EIF1AX: variants seen among roughly 807,000 people sequenced by gnomAD.
EIF1AX encodes eukaryotic translation initiation factor 1A, X-chromosomal.
EIF1AX carries 1 observed loss-of-function variant against 16.1 expected under a neutral mutation model. The ratio of observed to expected loss-of-function variants is 0.06; its 90% CI spans 0.02 to 0.30. The LOEUF (loss-of-function observed/expected upper bound fraction) is 0.30, where lower values mean the gene tolerates loss of function less well. EIF1AX is among the 10% of genes least tolerant of loss of function. EIF1AX has a pLI of 1.00. For missense variants in EIF1AX, 11 were observed against 109.1 expected, an observed-to-expected ratio of 0.10 and a Z score of 4.00; for synonymous variants, 32 against 37.3, an observed-to-expected ratio of 0.86 and a Z score of 0.51.
rs747875394 is a variant in EIF1AX, at chrX:20,137,458, A to T, written c.100+1081T>A. Among the ~76,000 whole-genome samples the T allele has an allele frequency of 1.1e-3, 126 of 110,975 alleles. 1 individual carries two copies. The highest frequency in any genetic ancestry group is 6.7e-3 in the East Asian group (24 of 3,556). On this transcript the variant is annotated intron_variant, in intron 2 of 6. Coordinates refer to ENST00000379607, the MANE Select transcript of EIF1AX (RefSeq NM_001412.4). ...GAGACTCCATCTCAAAAAAAAAATT[A>T]AAAAATCCCACATATATATTTCTTT...
intron 6 of EIF1AX, among the ~76,000 whole-genome samples, chrX:20,129,916 T>C (rs778860138): frequency 8.9e-6 from 1 of 112,559 alleles, no homozygotes; most frequent in South Asian, 3.7e-4. Flanking sequence ...AGACTCTTAA[T>C]TAAACAAGTT....
Position 20,128,164 on chromosome X carries a change from C to A in EIF1AX, c.*142G>T, listed in dbSNP as rs1351107305. 1.1e-5 allele frequency: 6 copies of A among 533,630 alleles called. No homozygotes were observed. The highest frequency in any genetic ancestry group is 5.1e-5 in the African/African-American group (2 of 38,959). 44.0% of individuals were successfully genotyped at this position (533,630 alleles called of 1,213,427 possible). A position where few individuals can be genotyped will look rare whatever the true frequency, so the allele number is the denominator to read the frequency against. On this transcript the variant is annotated 3_prime_UTR_variant, in exon 7 of 7. Coordinates refer to ENST00000379607, the MANE Select transcript of EIF1AX (RefSeq NM_001412.4). Reference sequence around the variant, plus strand: ...AGCATTATTATCAGTTTTAAAAAAACCAAAAATATCTTAGAAACAAATCAG... The same window carrying A: ...AGCATTATTATCAGTTTTAAAAAAAACAAAAATATCTTAGAAACAAATCAG...
chrX:20,132,329 T>C (rs2067003790), intron 4 of EIF1AX, 66 bp from the exon 5 acceptor site: 2 of 705,795 alleles, frequency 2.8e-6, no homozygotes, highest in Non-Finnish European at 4.2e-6. Context: ...ATTTCATAAA[T>C]TCTCATATTG....
At chrX:20,129,920 A>G (rs914008245) in intron 6 of EIF1AX, among the ~76,000 whole-genome samples, 10 of 112,532 alleles carry the variant, frequency 8.9e-5, no homozygotes, top group African/African-American at 3.2e-4. Flanking sequence ...TCTTAATTAA[A>G]CAAGTTATGA....
At chrX:20,130,702 A>C in intron 5 of EIF1AX, 95 bp from the exon 6 acceptor site, 1 of 842,519 alleles carries the variant, frequency 1.2e-6, no homozygotes, top group Non-Finnish European at 1.6e-6. Flanking sequence ...CAATAACTAT[A>C]AAGAATATTT....
intron 1 of EIF1AX, among the ~76,000 whole-genome samples, chrX:20,139,780 C>T (rs2067028361): frequency 1.8e-5 from 2 of 111,791 alleles, no homozygotes; most frequent in Non-Finnish European, 3.8e-5. Context: ...ATGATAAACA[C>T]CAAACTCAGC....
rs1006666743 is a variant in EIF1AX at position 20,136,171 on chromosome X, C to A, written c.101-330G>T. 26 of 288,846 alleles carry A rather than the reference C, an allele frequency of 9.0e-5. No individual in the cohort carries two copies. The Admixed American group carries it at 9.2e-4, about 10-fold the overall frequency. 23.8% of individuals were successfully genotyped at this position (288,846 alleles called of 1,213,427 possible). A position where few individuals can be genotyped will look rare whatever the true frequency, so the allele number is the denominator to read the frequency against. On this transcript the variant is annotated intron_variant, in intron 2 of 6. Coordinates refer to ENST00000379607, the MANE Select transcript of EIF1AX (RefSeq NM_001412.4). ...AGGCTTTCATAGACATACATATGCACCCCCTCACCCCCAATCTCATTCATT... is the reference window on the plus strand; with the variant it reads ...AGGCTTTCATAGACATACATATGCAACCCCTCACCCCCAATCTCATTCATT...
chrX:20,136,273 C>A, intron 2 of EIF1AX: 1 of 366,927 alleles, frequency 2.7e-6, no homozygotes, highest in South Asian at 2.4e-5. Flanking sequence ...AGACATATGC[C>A]CTTATTGTTT....
At chrX:20,135,933 T>A (rs2067015347) in intron 2 of EIF1AX, 92 bp from the exon 3 acceptor site, 3 of 620,808 alleles carry the variant, frequency 4.8e-6, no homozygotes, top group Middle Eastern at 3.2e-4. Flanking sequence ...GAGAATAAAG[T>A]TGCACCAGTT....
At position 20,131,535 on chromosome X, in the gene EIF1AX, G is replaced by A. The variant is rs1211804610; in HGVS notation, c.337+647C>T. 4.5e-5 allele frequency among the ~76,000 whole-genome samples: 5 copies of A among 109,969 alleles called. No homozygotes were observed. The East Asian group carries it at 1.4e-3, about 31-fold the overall frequency. The stretch of plus-strand genomic sequence containing the variant: ...TAATCTCAGCTGCTTTGGAGGCTGA[G>A]AATCGCTTGAACCTGGGAGGCAGAG... On this transcript the variant is annotated intron_variant, in intron 5 of 6. Coordinates refer to ENST00000379607, the MANE Select transcript of EIF1AX (RefSeq NM_001412.4).
At chrX:20,135,662 C>G in intron 3 of EIF1AX, 76 bp downstream of exon 3, 1 of 756,736 alleles carries the variant, frequency 1.3e-6, no homozygotes, top group African/African-American at 2.1e-5. Flanking sequence ...AAATGAAGTC[C>G]ATGGACAGTT....
At chrX:20,137,416 A>G (rs1603415273) in intron 2 of EIF1AX, among the ~76,000 whole-genome samples, 2 of 111,078 alleles carry the variant, frequency 1.8e-5, no homozygotes, top group South Asian at 7.7e-4. Flanking sequence ...ACTGCACTCC[A>G]GCCTGGGCGA....
chrX:20,128,335 T>C (rs946862694), intron 6 of EIF1AX, 24 bp from the exon 7 acceptor site: 6 of 1,182,771 alleles, frequency 5.1e-6, no homozygotes, highest in Non-Finnish European at 4.6e-6. Context: ...GAACATCAGA[T>C]GAAAGGAAAA....
Position 20,126,182 on chromosome X carries a change from T to C in EIF1AX, c.*2124A>G, listed in dbSNP as rs2066984725. On this transcript the variant is annotated 3_prime_UTR_variant, in exon 7 of 7. Coordinates refer to ENST00000379607, the MANE Select transcript of EIF1AX (RefSeq NM_001412.4). ...TAGCACTGTATTATAGGAATCAGAG[T>C]GTATAAGCAAAAAAATGAAAAATAA... 1 of 137,493 alleles carries C rather than the reference T, an allele frequency of 7.3e-6. No homozygotes were observed. Among genetic ancestry groups the C allele is most frequent in the African/African-American group, 3.2e-5 (1 of 31,354 alleles). 11.3% of individuals were successfully genotyped at this position (137,493 alleles called of 1,213,427 possible). A position where few individuals can be genotyped will look rare whatever the true frequency, so the allele number is the denominator to read the frequency against.
Position 20,126,706 on chromosome X carries a change from G to A in EIF1AX, c.*1600C>T, listed in dbSNP as rs1317071871. The A allele has an allele frequency of 3.7e-5, 5 of 135,701 alleles. 1 individual carries two copies. The South Asian group carries it at 1.1e-3, about 30-fold the overall frequency. 11.2% of individuals were successfully genotyped at this position (135,701 alleles called of 1,213,427 possible). A position where few individuals can be genotyped will look rare whatever the true frequency, so the allele number is the denominator to read the frequency against. ...TTCTTCAAGGCTGGTTTCTTATGAG[G>A]ATTAAAAACCAGCCCTTAGTCTCAG... On this transcript the variant is annotated 3_prime_UTR_variant, in exon 7 of 7. Transcript: ENST00000379607.
At chrX:20,133,621 A>G (rs113934690) in intron 4 of EIF1AX, among the ~76,000 whole-genome samples, 3,998 of 111,228 alleles carry the variant, frequency 0.036, 117 homozygotes, top group African/African-American at 0.09. Context: ...CAGACCCACA[A>G]TGAGTCTACA....
intron 4 of EIF1AX, among the ~76,000 whole-genome samples, chrX:20,133,687 C>T (rs968136928): frequency 5.4e-5 from 6 of 111,292 alleles, no homozygotes; most frequent in Admixed American, 4.8e-4. Context: ...TTCCCAAGTG[C>T]TCCTTTAGAT....
rs1157427398 is a variant in EIF1AX, at chrX:20,132,297, T to C, written c.256-34A>G. 3.2e-6 allele frequency: 3 copies of C among 934,003 alleles called. No individual in the cohort carries two copies. In the South Asian group the frequency reaches 6.9e-5, roughly 22 times the overall value. 77.0% of individuals were successfully genotyped at this position (934,003 alleles called of 1,213,427 possible). A position where few individuals can be genotyped will look rare whatever the true frequency, so the allele number is the denominator to read the frequency against. ...GAGACAAATAACTTTAAAAAACTGA[T>C]CATAACAAAATATTATCAGTTATTT... On this transcript the variant is annotated intron_variant, in intron 4 of 6. Transcript: ENST00000379607.
intron 2 of EIF1AX, among the ~76,000 whole-genome samples, chrX:20,137,126 T>C (rs1371596335): frequency 1.8e-5 from 2 of 112,069 alleles, no homozygotes; most frequent in Non-Finnish European, 3.8e-5. Context: ...ATGATGTCTC[T>C]AAATTTCAAA....
Sources: allele counts gnomAD v4.1 joint callset (sites outside exome capture counted in the v4.1 genomes callset), GRCh38; gene constraint gnomAD v4.1.1; transcripts MANE v1.5; gene names NCBI Gene and HGNC (gene_info 2026-07-23, HGNC 2026-07-21).